The following ESRRG variants were observed in gnomAD, a reference collection of about 807,000 sequenced individuals.
ESRRG encodes the protein estrogen-related receptor gamma.
In ESRRG, 13 loss-of-function variants were observed where a neutral mutation model predicts 44.0. That is an observed-to-expected ratio of 0.30 (90% CI 0.19 to 0.47). The LOEUF is 0.47. Ranked by LOEUF, ESRRG falls within the 20% of genes least tolerant of loss-of-function variation. ESRRG has a pLI of 1.00. For missense variants in ESRRG, 395 were observed against 580.6 expected, an observed-to-expected ratio of 0.68 and a Z score of 3.29; for synonymous variants, 215 against 214.6, an observed-to-expected ratio of 1.00 and a Z score of -0.02.
intron 2 of ESRRG, among the ~76,000 whole-genome samples, chr1:216,744,677 T>C (rs544826898): frequency 1.5e-3 from 226 of 152,320 alleles, no homozygotes; most frequent in African/African-American, 5.4e-3. Context: ...TCTTTATTCC[T>C]GGCAATACAT....
At chr1:216,914,052 C>T (rs2060823964) in intron 2 of ESRRG, among the ~76,000 whole-genome samples, 1 of 152,064 alleles carries the variant, frequency 6.6e-6, no homozygotes. Context: ...AGGTCCTGGT[C>T]AAGAAAAACC....
chr1:216,986,384 C>T (rs1159792412), intron 1 of ESRRG, among the ~76,000 whole-genome samples: 1 of 152,058 alleles, frequency 6.6e-6, no homozygotes, highest in Non-Finnish European at 1.5e-5. Flanking sequence ...GAGACGTAAA[C>T]ATGTGGCCTG....
At chr1:216,729,224 C>G (rs557891084) in intron 2 of ESRRG, among the ~76,000 whole-genome samples, 1 of 152,336 alleles carries the variant, frequency 6.6e-6, no homozygotes, top group Admixed American at 6.5e-5. Flanking sequence ...ATCCCGTGCG[C>G]TGAGGAAATT....
At chr1:216,877,230 C>T (rs2096369290) in intron 2 of ESRRG, among the ~76,000 whole-genome samples, 3 of 152,150 alleles carry the variant, frequency 2.0e-5, no homozygotes, top group Non-Finnish European at 2.9e-5. Flanking sequence ...TCTAACCCAC[C>T]ACCTGTACCA....
chr1:216,749,749 T>C (rs1312612952), intron 2 of ESRRG, among the ~76,000 whole-genome samples: 4 of 152,156 alleles, frequency 2.6e-5, no homozygotes, highest in Admixed American at 2.0e-4. Context: ...CTGGGAAGTA[T>C]AATTACGCAA....
At chr1:216,584,381 C>T (rs555179088) in intron 3 of ESRRG, among the ~76,000 whole-genome samples, 230 of 151,954 alleles carry the variant, frequency 1.5e-3, no homozygotes, top group Non-Finnish European at 2.8e-3. Flanking sequence ...CTCAGCCTCC[C>T]GAGTAGCTGG....
At chr1:216,711,716 GAAA>G (rs947349157) in intron 1 of ESRRG, among the ~76,000 whole-genome samples, 1 of 152,036 alleles carries the variant, frequency 6.6e-6, no homozygotes, top group Non-Finnish European at 1.5e-5. Context: ...TGATGTTAGA[GAAA>G]AAAAGTTGCT....
intron 1 of ESRRG, among the ~76,000 whole-genome samples, chr1:217,084,679 A>C (rs528447095): frequency 6.6e-6 from 1 of 152,356 alleles, no homozygotes; most frequent in African/African-American, 2.4e-5. Flanking sequence ...GTATAGGGAA[A>C]GTAAAATGAG....
Position 216,698,432 on chromosome 1 carries a change from C to T in ESRRG, c.57-20941G>A, listed in dbSNP as rs930022005. Reference sequence around the variant, plus strand: ...TACTCGGGAAGCTGAAGCAGGAGAACGGCGTGAACCCGGGAGGCGGAGCTT... The same window carrying T: ...TACTCGGGAAGCTGAAGCAGGAGAATGGCGTGAACCCGGGAGGCGGAGCTT... On this transcript the variant is annotated intron_variant, in intron 1 of 6. Transcript: ENST00000408911. Among the ~76,000 whole-genome samples, 32 of 147,422 alleles carry T rather than the reference C, an allele frequency of 2.2e-4. No homozygotes were observed. In the East Asian group the frequency reaches 3.8e-3, roughly 18 times the overall value.
intron 2 of ESRRG, among the ~76,000 whole-genome samples, chr1:216,751,317 C>T (rs2091983721): frequency 6.6e-6 from 1 of 152,076 alleles, no homozygotes; most frequent in Non-Finnish European, 1.5e-5. Flanking sequence ...CTAGTCACAG[C>T]AAAAGAGATG....
intron 1 of ESRRG, among the ~76,000 whole-genome samples, chr1:217,056,976 G>C (rs1463987059): frequency 6.6e-6 from 1 of 152,120 alleles, no homozygotes; most frequent in Non-Finnish European, 1.5e-5. Flanking sequence ...CTCACTGGGA[G>C]GGGTTTTATC....
intron 2 of ESRRG, among the ~76,000 whole-genome samples, chr1:216,909,984 TC>T (rs1414610190): frequency 1.3e-5 from 2 of 152,204 alleles, no homozygotes; most frequent in East Asian, 3.9e-4. Context: ...CTGGCTTAAC[TC>T]CCTGATTTTT....
At chr1:216,594,133 T>A (rs2058097771) in intron 3 of ESRRG, among the ~76,000 whole-genome samples, 1 of 152,208 alleles carries the variant, frequency 6.6e-6, no homozygotes. Flanking sequence ...AAATTCCTGG[T>A]TCATCTCTTC....
At chr1:216,903,736 G>A (rs966816963) in intron 2 of ESRRG, among the ~76,000 whole-genome samples, 1 of 152,086 alleles carries the variant, frequency 6.6e-6, no homozygotes, top group African/African-American at 2.4e-5. Context: ...GAGGACAGGG[G>A]ATGTCCTGGT....
intron 2 of ESRRG, among the ~76,000 whole-genome samples, chr1:216,835,450 A>G (rs529876286): frequency 1.3e-5 from 2 of 152,352 alleles, no homozygotes; most frequent in African/African-American, 4.8e-5. Flanking sequence ...TGACACTGAC[A>G]CGGCTGCTGG....
Position 216,776,361 on chromosome 1 carries a change from C to T in ESRRG, c.-13-98870G>A, listed in dbSNP as rs137991662. On this transcript the variant is annotated intron_variant, in intron 2 of 7. Coordinates refer to the ESRRG transcript ENST00000359162. ...CCTAGTGTCCTTCAGGACTTTTCCT[C>T]GCCTCAAAGGCTGACTTAGAGGCAC... Among the ~76,000 whole-genome samples, 34 of 152,196 alleles carry T rather than the reference C, an allele frequency of 2.2e-4. No homozygotes were observed. The East Asian group carries it at 3.3e-3, about 15-fold the overall frequency.
chr1:216,700,600 G>C (rs1393565762), intron 1 of ESRRG, among the ~76,000 whole-genome samples: 3 of 152,194 alleles, frequency 2.0e-5, no homozygotes, highest in African/African-American at 7.2e-5. Flanking sequence ...ATCAGAGCCA[G>C]ATAGTACTGT....
intron 2 of ESRRG, among the ~76,000 whole-genome samples, chr1:216,821,030 C>G (rs1043256283): frequency 2.0e-5 from 3 of 152,076 alleles, no homozygotes; most frequent in Non-Finnish European, 4.4e-5. Context: ...TTTTCAGAGC[C>G]TGACCTAGTT....
chr1:217,047,412 G>T (rs551507876), intron 1 of ESRRG, among the ~76,000 whole-genome samples: 1 of 151,902 alleles, frequency 6.6e-6, no homozygotes, highest in East Asian at 1.9e-4. Flanking sequence ...CAGAAACCTC[G>T]GACTCTCACA....
Sources: allele counts gnomAD v4.1 joint callset (sites outside exome capture counted in the v4.1 genomes callset), GRCh38; gene constraint gnomAD v4.1.1; transcripts MANE v1.5; gene names NCBI Gene and HGNC (gene_info 2026-07-23, HGNC 2026-07-21).